The following FMO5 variants were observed in gnomAD, a reference collection of about 807,000 sequenced individuals.
The protein encoded by FMO5 is flavin containing dimethylaniline monoxygenase 5, also known as flavin-containing monooxygenase 5.
FMO5 carries 51 observed loss-of-function variants against 43.6 expected under a neutral mutation model. The observed-to-expected ratio is 1.17, with a 90% CI of 0.93 to 1.48. The LOEUF is 1.48. Among genes scored for constraint, FMO5 ranks in the 40% most tolerant of loss-of-function variants. FMO5 has a pLI of 0.00. For synonymous variants in FMO5, 187 were observed against 216.5 expected (o/e 0.86, Z 1.20); for missense variants, 644 against 643.0 (o/e 1.00, Z -0.02).
chr1:147,187,359 A>G, intron 8 of FMO5, 114 bp from the exon 9 acceptor site: 1 of 707,968 alleles, frequency 1.4e-6, no homozygotes, highest in East Asian at 2.7e-5. Flanking sequence ...GAGCTGTGGA[A>G]TATAGAGAAG....
At chr1:147,202,606 C>G (rs1328492410) in intron 6 of FMO5, among the ~76,000 whole-genome samples, 2 of 152,150 alleles carry the variant, frequency 1.3e-5, no homozygotes, top group Non-Finnish European at 2.9e-5. Context: ...GCGTGAGCCA[C>G]AGCACCTGGC....
chr1:147,205,501 A>T (rs1559655833), intron 6 of FMO5, among the ~76,000 whole-genome samples: 1 of 152,118 alleles, frequency 6.6e-6, no homozygotes, highest in African/African-American at 2.4e-5. Context: ...AAATTTAGAG[A>T]CTCTCTACAA....
chr1:147,189,284 A>G (rs1656240517), intron 8 of FMO5, among the ~76,000 whole-genome samples: 1 of 146,400 alleles, frequency 6.8e-6, no homozygotes, highest in African/African-American at 2.6e-5. Context: ...AAAAAAAAAA[A>G]GGCAGTTTAA....
chr1:147,187,025 C>T lies in FMO5; in HGVS notation c.1477G>A (p.Asp493Asn), dbSNP rs143837136. The change falls in exon 9 of 9, where the codon GAT becomes AAT. Residue 493 changes from aspartate to asparagine, a missense_variant. Asp to Asn is a conservative substitution (Grantham distance 23). Transcript: ENST00000254090. The part of the protein sequence containing the change: ...GARKAILTTD[D>N]RIRKPLMTRV... Reference sequence around the variant, plus strand: ...GTCATCAGAGGCTTCCTGATGCGATCATCTGTGGTGAGGATAGCTTTTCGA... The same window carrying T: ...GTCATCAGAGGCTTCCTGATGCGATTATCTGTGGTGAGGATAGCTTTTCGA... 1,243 of 1,614,174 alleles carry T rather than the reference C, an allele frequency of 7.7e-4. 1 individual carries two copies. Among genetic ancestry groups the T allele is most frequent in the Middle Eastern group, 8.3e-4 (5 of 6,060 alleles).
At chr1:147,196,853 T>A (rs1246716472) in intron 7 of FMO5, among the ~76,000 whole-genome samples, 2 of 152,150 alleles carry the variant, frequency 1.3e-5, no homozygotes, top group Admixed American at 6.5e-5. Flanking sequence ...ATTCTTCAGA[T>A]TTGCCTGTGA....
chr1:147,216,330 T>A (rs587709399), intron 2 of FMO5, among the ~76,000 whole-genome samples: 2 of 152,290 alleles, frequency 1.3e-5, no homozygotes, highest in South Asian at 4.1e-4. Context: ...AGAAAATATA[T>A]GGCCAGTCCC....
Position 147,190,164 on chromosome 1 carries a change from G to A in FMO5, c.1256+13C>T. The stretch of plus-strand genomic sequence containing the variant: ...GAAATGTAACCATATATCTTCCTGG[G>A]AGAGTTTCTTACCTTTTGTCAATTT... On this transcript the variant is annotated intron_variant, in intron 8 of 8. Transcript: ENST00000254090. 6.4e-7 allele frequency: 1 copy of A among 1,558,740 alleles called. No homozygotes were observed. The highest frequency in any genetic ancestry group is 8.8e-7 in the Non-Finnish European group (1 of 1,132,366).
intron 8 of FMO5, among the ~76,000 whole-genome samples, chr1:147,189,074 G>C (rs1656189837): frequency 6.6e-6 from 1 of 152,034 alleles, no homozygotes; most frequent in South Asian, 2.1e-4. Context: ...AGGAGTTTGA[G>C]ACCAGCCTGG....
intron 7 of FMO5, among the ~76,000 whole-genome samples, chr1:147,195,322 G>A (rs370202117): frequency 2.6e-4 from 39 of 151,792 alleles, no homozygotes; most frequent in African/African-American, 9.2e-4. Flanking sequence ...TAGTAGAGAC[G>A]AGGTTTCACC....
chr1:147,188,138 GA>G (rs1655959864), intron 8 of FMO5, among the ~76,000 whole-genome samples: 1 of 152,144 alleles, frequency 6.6e-6, no homozygotes, highest in Admixed American at 6.5e-5. Flanking sequence ...AAACAGTAAA[GA>G]ATTTGAGAGC....
At chr1:147,188,724 A>AAAAT (rs782071089) in intron 8 of FMO5, among the ~76,000 whole-genome samples, 13 of 151,250 alleles carry the variant, frequency 8.6e-5, no homozygotes, top group East Asian at 3.9e-4. Context: ...ACTTAAATAT[A>AAAAT]AAATAAATAA....
At position 147,186,591 on chromosome 1, in the gene FMO5, T is replaced by G. The variant is rs1655657674; in HGVS notation, c.*309A>C. The G allele has an allele frequency of 9.5e-7, 1 of 1,057,438 alleles. No individual in the cohort carries two copies. 65.5% of individuals were successfully genotyped at this position (1,057,438 alleles called of 1,614,324 possible). ...CATAAAATTTGATAAACAACAAACA[T>G]TTATTAAGCACCTACCACATGTCAA... is the stretch of plus-strand genomic sequence containing the variant. On this transcript the variant is annotated 3_prime_UTR_variant, in exon 9 of 9. Transcript: ENST00000254090.
chr1:147,193,983 G>A (rs140114823), intron 7 of FMO5, among the ~76,000 whole-genome samples: 5,643 of 152,164 alleles, frequency 0.037, 156 homozygotes, highest in South Asian at 0.098. Flanking sequence ...TGTATATTCC[G>A]TTGATTTGGG....
chr1:147,193,872 C>G (rs190166113), intron 7 of FMO5, among the ~76,000 whole-genome samples: 3 of 152,028 alleles, frequency 2.0e-5, no homozygotes, highest in African/African-American at 7.3e-5. Flanking sequence ...GTCTGAGAGA[C>G]AGTTTGTTAT....
At chr1:147,192,709 T>C (rs1275072101) in intron 7 of FMO5, among the ~76,000 whole-genome samples, 2 of 152,004 alleles carry the variant, frequency 1.3e-5, no homozygotes, top group Non-Finnish European at 2.9e-5. Flanking sequence ...TTATTGAGAG[T>C]TTTTAGCATG....
chr1:147,205,415 T>G (rs1246919952), intron 6 of FMO5, among the ~76,000 whole-genome samples: 1 of 152,146 alleles, frequency 6.6e-6, no homozygotes, highest in Admixed American at 6.5e-5. Context: ...CCCACTAAGA[T>G]CAACATGTCC....
chr1:147,195,106 C>T (rs1421997740), intron 7 of FMO5, among the ~76,000 whole-genome samples: 1 of 152,072 alleles, frequency 6.6e-6, no homozygotes, highest in African/African-American at 2.4e-5. Context: ...AGAGTGTTTT[C>T]CAACTTGGTT....
chr1:147,184,844 A>G (rs1214461378), downstream of FMO5, among the ~76,000 whole-genome samples: 6 of 152,082 alleles, frequency 3.9e-5, no homozygotes, highest in Admixed American at 3.3e-4. This position sits in a 1 kb window ranked among gnomAD's most constrained non-coding sequence, Gnocchi z 4.4. Flanking sequence ...TTCAGCTCAC[A>G]CTAGAGAAGT....
Position 147,186,976 on chromosome 1 carries a change from G to A in FMO5, c.1526C>T (p.Ser509Phe), listed in dbSNP as rs1162861810. 6.2e-7 allele frequency: 1 copy of A among 1,614,070 alleles called. No homozygotes were observed. Among genetic ancestry groups the A allele is most frequent in the African/African-American group, 1.3e-5 (1 of 74,932 alleles). ...LMTRVVERSSSMTSTMTIGKF... is the reference protein window; with the variant it reads ...LMTRVVERSSFMTSTMTIGKF... ...GCCTATTGTCATTGTTGAAGTCATAGAACTACTCCTTTCAACTACTCTTGT... is the reference window on the plus strand; with the variant it reads ...GCCTATTGTCATTGTTGAAGTCATAAAACTACTCCTTTCAACTACTCTTGT... The change falls in exon 9 of 9, where the codon TCT (serine) becomes TTT (phenylalanine). Residue 509 changes from serine to phenylalanine, a missense_variant. Ser to Phe is a radical substitution (Grantham distance 155). Coordinates refer to ENST00000254090, the MANE Select transcript of FMO5 (RefSeq NM_001461.4).
Sources: allele counts gnomAD v4.1 joint callset (sites outside exome capture counted in the v4.1 genomes callset), GRCh38; gene constraint gnomAD v4.1.1; non-coding constraint Gnocchi (gnomAD v3.1); transcripts MANE v1.5; gene names NCBI Gene and HGNC (gene_info 2026-07-23, HGNC 2026-07-21).